The following SEZ6L2 variants were observed in gnomAD, a reference collection of about 807,000 sequenced individuals.
The protein encoded by SEZ6L2 is seizure 6-like protein 2.
SEZ6L2 carries 44 observed loss-of-function variants against 97.0 expected under a neutral mutation model. That is an observed-to-expected ratio of 0.45 (90% CI 0.36 to 0.58). SEZ6L2 has a LOEUF of 0.58. Among genes scored for constraint, SEZ6L2 ranks in the 20% least tolerant of loss-of-function variants. The pLI, the probability that SEZ6L2 is intolerant of heterozygous loss-of-function variation, is 0.00. For missense variants in SEZ6L2, 1,086 were observed against 1,233.3 expected, an observed-to-expected ratio of 0.88 and a Z score of 1.79; for synonymous variants, 543 against 546.1, an observed-to-expected ratio of 0.99 and a Z score of 0.08.
At chr16:29,883,982 G>T (rs12919612) in intron 8 of SEZ6L2, among the ~76,000 whole-genome samples, 1 of 151,704 alleles carries the variant, frequency 6.6e-6, no homozygotes, top group African/African-American at 2.4e-5. Context: ...AGGCCAAGGT[G>T]AAATGCCTCT....
At chr16:29,875,201 C>G (rs1406088492) in intron 12 of SEZ6L2, among the ~76,000 whole-genome samples, 1 of 152,174 alleles carries the variant, frequency 6.6e-6, no homozygotes, top group Admixed American at 6.5e-5. Flanking sequence ...TCCTGATTAT[C>G]CTGAGAGGCC....
rs138065728 is a variant in SEZ6L2 at position 29,873,678 on chromosome 16, G to A, written c.2156C>T (p.Ser719Leu). ...GGAGCCAACGGGGAAGCCGGCGTCCGAGGCGGTGCGGTGCCCGTTGGCAAT... is the reference window on the plus strand; with the variant it reads ...GGAGCCAACGGGGAAGCCGGCGTCCAAGGCGGTGCGGTGCCCGTTGGCAAT... ...GEIANGHRTASDAGFPVGSHV... is the reference protein window; with the variant it reads ...GEIANGHRTALDAGFPVGSHV... The change falls in exon 13 of 18, where the codon TCG (serine) becomes TTG (leucine). Residue 719 changes from serine (S) to leucine (L), a missense_variant. Around this residue, in one of 2 missense-constraint regions of SEZ6L2, gnomAD observed 310 missense variants for 438.6 expected, o/e 0.71. Coordinates refer to ENST00000617533, the MANE Select transcript of SEZ6L2 (RefSeq NM_001243332.2). This position sits in a 1 kb window ranked among gnomAD's most constrained non-coding sequence, Gnocchi z 4.3. The A allele has an allele frequency of 6.8e-6, 11 of 1,611,580 alleles. No homozygotes were observed. Among genetic ancestry groups the A allele is most frequent in the East Asian group, 2.2e-5 (1 of 44,878 alleles).
In SEZ6L2 at chr16:29,899,209, T is replaced by C; in HGVS notation, c.-190A>G. 1 of 577,290 alleles carries C rather than the reference T, an allele frequency of 1.7e-6. No individual in the cohort carries two copies. The highest frequency in any genetic ancestry group is 2.0e-5 in the South Asian group (1 of 50,840). The allele number at this position is 577,290 out of a possible 1,614,324, so 35.8% of individuals were successfully genotyped here. A position where few individuals can be genotyped will look rare whatever the true frequency, so the allele number is the denominator to read the frequency against. On this transcript the variant is annotated 5_prime_UTR_variant, in exon 1 of 18. Transcript: ENST00000617533. ...GGGCAGAATTGGGCTAGGGGTCGCC[T>C]GGAGCCCACCCCCCTTTGCTCAGTC...
At chr16:29,893,479 T>C (rs1379494854) in intron 5 of SEZ6L2, among the ~76,000 whole-genome samples, 2 of 151,912 alleles carry the variant, frequency 1.3e-5, no homozygotes, top group Non-Finnish European at 2.9e-5. Context: ...AAACCCCATC[T>C]CTACTAAAAA....
intron 8 of SEZ6L2, among the ~76,000 whole-genome samples, chr16:29,885,099 T>C (rs1596976782): frequency 6.6e-6 from 1 of 152,162 alleles, no homozygotes; most frequent in East Asian, 1.9e-4. Context: ...CCCCAGCTAC[T>C]CGGGAGGCTG....
chr16:29,885,784 C>A, intron 7 of SEZ6L2, 35 bp from the exon 8 acceptor site: 1 of 1,580,612 alleles, frequency 6.3e-7, no homozygotes, highest in Non-Finnish European at 8.6e-7. Flanking sequence ...GGAGCTCAAT[C>A]TCCCTCACAA....
rs2068478257 is a variant in SEZ6L2, at chr16:29,899,186, G to C, written c.-167C>G. ...TTTCTCTGCCCCTTGGGATGGAGGG[G>C]CAGAATTGGGCTAGGGGTCGCCTGG... On this transcript the variant is annotated 5_prime_UTR_variant, in exon 1 of 18. Transcript: ENST00000617533. 3 of 602,736 alleles carry C rather than the reference G, an allele frequency of 5.0e-6. No individual in the cohort carries two copies. The highest frequency in any genetic ancestry group is 8.6e-6 in the Non-Finnish European group (3 of 347,040). 37.3% of individuals were successfully genotyped at this position (602,736 alleles called of 1,614,324 possible).
Position 29,871,405 on chromosome 16 carries a change from A to G in SEZ6L2, c.*294T>C. 1.9e-6 allele frequency: 1 copy of G among 533,392 alleles called. No individual in the cohort carries two copies. The highest frequency in any genetic ancestry group is 3.4e-6 in the Non-Finnish European group (1 of 294,776). 33.0% of individuals were successfully genotyped at this position (533,392 alleles called of 1,614,324 possible). ...GTCCTTGAGGGGTGCCCTGGGCAGGAGGGGCTGCAAGATTTGCAGGGAGGC... is the reference window on the plus strand; with the variant it reads ...GTCCTTGAGGGGTGCCCTGGGCAGGGGGGGCTGCAAGATTTGCAGGGAGGC... On this transcript the variant is annotated 3_prime_UTR_variant, in exon 18 of 18. Transcript: ENST00000617533.
Position 29,871,620 on chromosome 16 carries a change from G to T in SEZ6L2, c.*79C>A. ...CAGGGAGGAGGGCAGCCAGGAGGCAGAGACCGGGTCCCGTATTTCCCTCTG... is the reference window on the plus strand; with the variant it reads ...CAGGGAGGAGGGCAGCCAGGAGGCATAGACCGGGTCCCGTATTTCCCTCTG... On this transcript the variant is annotated 3_prime_UTR_variant, in exon 18 of 18. Transcript: ENST00000617533. 1 of 1,450,166 alleles carries T rather than the reference G, an allele frequency of 6.9e-7. No individual in the cohort carries two copies. The highest frequency in any genetic ancestry group is 9.5e-7 in the Non-Finnish European group (1 of 1,050,656). 89.8% of individuals were successfully genotyped at this position (1,450,166 alleles called of 1,614,324 possible). A position where few individuals can be genotyped will look rare whatever the true frequency, so the allele number is the denominator to read the frequency against.
chr16:29,893,433 G>C (rs1485779363), intron 5 of SEZ6L2, among the ~76,000 whole-genome samples: 2 of 151,890 alleles, frequency 1.3e-5, no homozygotes, highest in Non-Finnish European at 2.9e-5. Context: ...GATCACTTGA[G>C]GTCAGGAGTT....
chr16:29,886,546 T>G, intron 7 of SEZ6L2, among the ~76,000 whole-genome samples: 1 of 151,492 alleles, frequency 6.6e-6, no homozygotes, highest in East Asian at 1.9e-4. Flanking sequence ...CCGGACGTGG[T>G]GGCACACGCT....
chr16:29,897,565 C>T (rs1381685580), intron 2 of SEZ6L2, among the ~76,000 whole-genome samples: 1 of 152,136 alleles, frequency 6.6e-6, no homozygotes, highest in Non-Finnish European at 1.5e-5. Context: ...CTGTCTTCCA[C>T]CATTTCTCTG....
intron 7 of SEZ6L2, among the ~76,000 whole-genome samples, chr16:29,886,523 T>A (rs905081513): frequency 2.0e-5 from 3 of 146,756 alleles, no homozygotes; most frequent in Non-Finnish European, 4.5e-5. Flanking sequence ...AAAAAAAAAG[T>A]ACAAAAAATT....
chr16:29,876,999 T>C lies in SEZ6L2; in HGVS notation c.1910-49A>G. ...TGGAGGCTGCGTTTTAACTGCGGGCTCCCTTCCAGCCTCGGAGGCTTTGCT... is the reference window on the plus strand; with the variant it reads ...TGGAGGCTGCGTTTTAACTGCGGGCCCCCTTCCAGCCTCGGAGGCTTTGCT... On this transcript the variant is annotated intron_variant, in intron 11 of 17. Transcript: ENST00000617533. The surrounding 1 kb of genome is among the most constrained non-coding windows in gnomAD (Gnocchi z 6.5). 6.5e-7 allele frequency: 1 copy of C among 1,546,194 alleles called. No individual in the cohort carries two copies. The highest frequency in any genetic ancestry group is 8.8e-7 in the Non-Finnish European group (1 of 1,137,418).
In SEZ6L2 at chr16:29,873,291, A is replaced by C; in HGVS notation, c.2437T>G (p.Cys813Gly). The C allele has an allele frequency of 6.2e-7, 1 of 1,614,226 alleles. No homozygotes were observed. The highest frequency in any genetic ancestry group is 1.7e-5 in the Admixed American group (1 of 60,034). Residue 813 changes from cysteine (C) to glycine (G), a missense_variant, in exon 14 of 18, where the codon TGT becomes GGT. Physicochemically the swap from Cys to Gly is radical, Grantham distance 159. Coordinates refer to ENST00000617533, the MANE Select transcript of SEZ6L2 (RefSeq NM_001243332.2). This position sits in a 1 kb window ranked among gnomAD's most constrained non-coding sequence, Gnocchi z 4.3. Reference protein sequence around the residue: ...FELIGEVTITCVPGHPSQWTS... With the variant: ...FELIGEVTITGVPGHPSQWTS... ...CACTGGGAGGGGTGGCCGGGCACAC[A>C]GGTGATGGTGACCTCGCCGATAAGC...
chr16:29,895,751 A>G lies in SEZ6L2; in HGVS notation c.621T>C (p.His207=), dbSNP rs971523153. Residue 207 remains histidine, a synonymous_variant, in exon 4 of 18, where the codon CAT becomes CAC. Transcript: ENST00000617533. ...TCTCAATGCCGTAGCCAGGGTAGAC[A>G]TGGATGCTGTAAGTGCAGTCCAGGA... ...LGLLDCTYSI[H]VYPGYGIEIQ... 2 of 1,614,038 alleles carry G rather than the reference A, an allele frequency of 1.2e-6. No individual in the cohort carries two copies. Among genetic ancestry groups the G allele is most frequent in the South Asian group, 1.1e-5 (1 of 91,068 alleles).
At chr16:29,885,209 A>T (rs2068110951) in intron 8 of SEZ6L2, among the ~76,000 whole-genome samples, 1 of 151,132 alleles carries the variant, frequency 6.6e-6, no homozygotes, top group Non-Finnish European at 1.5e-5. Flanking sequence ...CTCGTCTCAA[A>T]AAATAAATAA....
intron 1 of SEZ6L2, 56 bp downstream of exon 1, chr16:29,898,885 G>T: frequency 7.3e-7 from 1 of 1,370,916 alleles, no homozygotes; most frequent in Non-Finnish European, 1.0e-6. Context: ...AAAGGAGGGT[G>T]GAGGACCCCG....
intron 3 of SEZ6L2, 125 bp downstream of exon 3, chr16:29,896,697 T>G: frequency 1.3e-6 from 1 of 762,096 alleles, no homozygotes; most frequent in Non-Finnish European, 2.2e-6. Flanking sequence ...ATGCTACCTT[T>G]GTTATTATTA....
Sources: gnomAD v4.1 joint callset for allele counts (sites outside exome capture counted in the v4.1 genomes callset) on GRCh38, gnomAD v4.1.1 for gene constraint, gnomAD v4.1.1 regional missense constraint, Gnocchi (gnomAD v3.1) non-coding constraint, MANE v1.5 for transcripts, NCBI Gene and HGNC (gene_info 2026-07-23, HGNC 2026-07-21) for gene names.